Variants in KCNIP1 observed in about 807,000 individuals in gnomAD.
KCNIP1 encodes the protein potassium voltage-gated channel interacting protein 1, also known as A-type potassium channel modulatory protein KCNIP1.
In KCNIP1, 18 loss-of-function variants were observed where a neutral mutation model predicts 33.0. That is an observed-to-expected ratio of 0.55 (90% CI 0.38 to 0.81). The LOEUF (loss-of-function observed/expected upper bound fraction) is 0.81, where lower values mean the gene tolerates loss of function less well. Ranked by LOEUF, KCNIP1 falls within the 30% of genes least tolerant of loss-of-function variation. KCNIP1 has a pLI of 0.00. For missense variants in KCNIP1, 238 were observed against 271.6 expected (o/e 0.88, Z 0.87); for synonymous variants, 93 against 98.3 (o/e 0.95, Z 0.32).
chr5:170,503,726 A>T (rs1428861292), upstream of KCNIP1, among the ~76,000 whole-genome samples: 1 of 16,438 alleles, frequency 6.1e-5, no homozygotes, highest in African/African-American at 2.3e-4. Flanking sequence ...CACGCACATC[A>T]CACACACACA....
chr5:170,584,733 A>G (rs1404870750), intron 1 of KCNIP1, among the ~76,000 whole-genome samples: 1 of 152,086 alleles, frequency 6.6e-6, no homozygotes, highest in East Asian at 1.9e-4. Flanking sequence ...AGTGACTCAT[A>G]TGCTCCTTTT....
intron 1 of KCNIP1, among the ~76,000 whole-genome samples, chr5:170,562,809 A>G (rs1757078187): frequency 6.6e-6 from 1 of 152,216 alleles, no homozygotes; most frequent in East Asian, 1.9e-4. Context: ...GGAGAACTGA[A>G]ACACAGCAAG....
intron 1 of KCNIP1, among the ~76,000 whole-genome samples, chr5:170,397,582 G>A (rs1276990171): frequency 6.6e-6 from 1 of 152,192 alleles, no homozygotes; most frequent in African/African-American, 2.4e-5. Flanking sequence ...ATTTTATGTG[G>A]CTAATTTGGA....
intron 1 of KCNIP1, among the ~76,000 whole-genome samples, chr5:170,630,180 C>T (rs1760001665): frequency 6.6e-6 from 1 of 152,192 alleles, no homozygotes; most frequent in African/African-American, 2.4e-5. Flanking sequence ...CACAGTCTTT[C>T]CCCACCATGT....
At chr5:170,441,738 T>A (rs1416715307) in intron 1 of KCNIP1, among the ~76,000 whole-genome samples, 1 of 151,602 alleles carries the variant, frequency 6.6e-6, no homozygotes, top group East Asian at 1.9e-4. Context: ...GGTCACGAGG[T>A]CAGAAGATGG....
chr5:170,547,752 T>G (rs949362584), intron 1 of KCNIP1, among the ~76,000 whole-genome samples: 3 of 152,240 alleles, frequency 2.0e-5, no homozygotes, highest in African/African-American at 7.2e-5. Flanking sequence ...ATACCTCATT[T>G]TCTTTATCCT....
At chr5:170,693,901 C>A (rs1429381921) in intron 1 of KCNIP1, among the ~76,000 whole-genome samples, 1 of 152,150 alleles carries the variant, frequency 6.6e-6, no homozygotes, top group Non-Finnish European at 1.5e-5. Context: ...GTGCTGCCGG[C>A]CTTCATGGGT....
chr5:170,525,306 C>T (rs1399445641), intron 1 of KCNIP1, among the ~76,000 whole-genome samples: 3 of 152,218 alleles, frequency 2.0e-5, no homozygotes, highest in Non-Finnish European at 2.9e-5. Context: ...ACTTAACCTT[C>T]CTGAGCCTCA....
intron 1 of KCNIP1, among the ~76,000 whole-genome samples, chr5:170,420,812 TC>T (rs1020656355): frequency 6.6e-6 from 1 of 151,644 alleles, no homozygotes; most frequent in Admixed American, 6.6e-5. Flanking sequence ...CTTCTTCTTC[TC>T]CCCCCCAACC....
chr5:170,634,773 C>G (rs185009846), intron 1 of KCNIP1, among the ~76,000 whole-genome samples: 1 of 152,200 alleles, frequency 6.6e-6, no homozygotes, highest in South Asian at 2.1e-4. Context: ...AGAGAAAGGT[C>G]ATCATTAATA....
chr5:170,445,939 T>C (rs1244274790), intron 1 of KCNIP1, among the ~76,000 whole-genome samples: 1 of 152,230 alleles, frequency 6.6e-6, no homozygotes, highest in Non-Finnish European at 1.5e-5. Context: ...TTGCCCAGTA[T>C]CCAGAAAGTT....
At chr5:170,590,445 A>G (rs181412314) in intron 1 of KCNIP1, among the ~76,000 whole-genome samples, 10 of 152,076 alleles carry the variant, frequency 6.6e-5, no homozygotes, top group Admixed American at 6.5e-4. Flanking sequence ...CAAGGAGGGG[A>G]TGGCTGACTG....
chr5:170,680,850 C>T (rs1166194962), intron 1 of KCNIP1: 1 of 377,674 alleles, frequency 2.6e-6, no homozygotes, highest in Admixed American at 4.5e-5. Context: ...GAAATAAAAG[C>T]AAATATTACT....
chr5:170,519,862 T>C (rs1268918161), intron 1 of KCNIP1, among the ~76,000 whole-genome samples: 2 of 152,080 alleles, frequency 1.3e-5, no homozygotes, highest in African/African-American at 4.8e-5. Context: ...GCTGTTGTCA[T>C]TTGTATTGTT....
At chr5:170,652,233 C>T (rs1761069579) in intron 1 of KCNIP1, among the ~76,000 whole-genome samples, 1 of 152,078 alleles carries the variant, frequency 6.6e-6, no homozygotes, top group African/African-American at 2.4e-5. Context: ...CCTGTAATCC[C>T]AGCACTGTGG....
Position 170,567,783 on chromosome 5 carries a change from G to T in KCNIP1, c.61+63150G>T, listed in dbSNP as rs148215256. 7.1e-4 allele frequency among the ~76,000 whole-genome samples: 108 copies of T among 152,330 alleles called. 1 individual carries two copies. The highest frequency in any genetic ancestry group is 2.6e-3 in the African/African-American group (107 of 41,574). ...TACTACCAGAGGCCATCTGTTAATG[G>T]ATGATGGGAAATGCCACTCTTGGCC... On this transcript the variant is annotated intron_variant, in intron 1 of 7. Transcript: ENST00000328939.
chr5:170,725,523 T>C (rs1486382293), intron 5 of KCNIP1, among the ~76,000 whole-genome samples: 1 of 151,872 alleles, frequency 6.6e-6, no homozygotes, highest in Non-Finnish European at 1.5e-5. Flanking sequence ...CTGGGAAGGA[T>C]AGTAGGGGGG....
intron 1 of KCNIP1, among the ~76,000 whole-genome samples, chr5:170,394,877 C>T (rs1368686985): frequency 1.3e-5 from 2 of 152,184 alleles, no homozygotes; most frequent in Non-Finnish European, 2.9e-5. Context: ...CATTAATTTG[C>T]TTAGCATAAT....
At chr5:170,617,934 A>T (rs11958675) in intron 1 of KCNIP1, among the ~76,000 whole-genome samples, 1 of 151,918 alleles carries the variant, frequency 6.6e-6, no homozygotes, top group Non-Finnish European at 1.5e-5. Context: ...AGAGAATTAC[A>T]ACCGGAGATA....
Sources: gnomAD v4.1 joint callset for allele counts (sites outside exome capture counted in the v4.1 genomes callset) on GRCh38, gnomAD v4.1.1 for gene constraint, MANE v1.5 for transcripts, NCBI Gene and HGNC (gene_info 2026-07-23, HGNC 2026-07-21) for gene names.